The following ARID1A variants were observed in gnomAD, a reference collection of about 807,000 sequenced individuals.
ARID1A encodes AT-rich interactive domain-containing protein 1A.
In ARID1A, 20 loss-of-function variants were observed where a neutral mutation model predicts 212.6. That is an observed-to-expected ratio of 0.09 (90% confidence interval 0.07 to 0.14). The LOEUF (loss-of-function observed/expected upper bound fraction) is 0.14. Ranked by LOEUF, ARID1A falls within the 10% of genes least tolerant of loss-of-function variation. ARID1A has a pLI of 1.00. For synonymous variants in ARID1A, 1,376 were observed against 1,222.1 expected (o/e 1.13, Z -2.63); for missense variants, 2,587 against 3,059.0 (o/e 0.85, Z 3.64).
intron 1 of ARID1A, among the ~76,000 whole-genome samples, chr1:26,704,028 A>C (rs1254564283): frequency 6.6e-6 from 1 of 152,206 alleles, no homozygotes; most frequent in African/African-American, 2.4e-5. Flanking sequence ...ATGTTCAAGA[A>C]ACTTAGAATA....
At chr1:26,714,627 G>A (rs375794920) in intron 1 of ARID1A, among the ~76,000 whole-genome samples, 1 of 152,110 alleles carries the variant, frequency 6.6e-6, no homozygotes, top group Non-Finnish European at 1.5e-5. Context: ...ATGTCAGCCA[G>A]GCTGGTCTCG....
chr1:26,714,197 A>G (rs553359442), intron 1 of ARID1A, among the ~76,000 whole-genome samples: 6 of 152,346 alleles, frequency 3.9e-5, no homozygotes, highest in African/African-American at 9.6e-5. Flanking sequence ...ATGGCCCTGT[A>G]TACTCCTGGG....
intron 1 of ARID1A, among the ~76,000 whole-genome samples, chr1:26,715,013 G>C (rs959442632): frequency 1.3e-5 from 2 of 152,236 alleles, no homozygotes; most frequent in African/African-American, 4.8e-5. Flanking sequence ...TACCTTCTTT[G>C]GCGGGATATA....
intron 5 of ARID1A, 29 bp from the exon 6 acceptor site, chr1:26,761,355 A>G (rs750914019): frequency 1.9e-6 from 3 of 1,612,286 alleles, no homozygotes; most frequent in Non-Finnish European, 2.5e-6. Context: ...TAGCCATGAT[A>G]TGCTTATGTT....
intron 4 of ARID1A, among the ~76,000 whole-genome samples, chr1:26,757,345 C>T (rs2080949762): frequency 7.1e-6 from 1 of 141,524 alleles, no homozygotes; most frequent in African/African-American, 2.6e-5. Flanking sequence ...TGGCGGGTGC[C>T]TGTAGTCCCA....
chr1:26,757,214 CT>C (rs911249922), intron 4 of ARID1A, among the ~76,000 whole-genome samples: 1 of 141,942 alleles, frequency 7.0e-6, no homozygotes, highest in Non-Finnish European at 1.5e-5. Context: ...GACCCTGTCT[CT>C]TAAAAAAAAA....
At chr1:26,723,185 A>G (rs2080581592) in intron 1 of ARID1A, among the ~76,000 whole-genome samples, 1 of 152,176 alleles carries the variant, frequency 6.6e-6, no homozygotes, top group Non-Finnish European at 1.5e-5. Context: ...ACCAGGGTAC[A>G]TAGGGTGATT....
rs2124744627 is a variant in ARID1A, at chr1:26,697,390, G to C, written c.987G>C (p.Pro329=). ...GPQDGGAGKG[P]ADMASQCWGA... ...AGGACGGGGGCGCCGGCAAGGGCCC[G>C]GCGGACATGGCCTCGCAGTGTTGGG... The change falls in exon 1 of 20, where the codon CCG becomes CCC. Residue 329 remains proline, a synonymous_variant. Transcript: ENST00000324856. 1 of 1,322,562 alleles carries C rather than the reference G, an allele frequency of 7.6e-7. No individual in the cohort carries two copies. The highest frequency in any genetic ancestry group is 9.6e-7 in the Non-Finnish European group (1 of 1,044,020). The allele number at this position is 1,322,562 out of a possible 1,614,324, so 81.9% of individuals were successfully genotyped here.
At chr1:26,737,664 G>C (rs1249680458) in intron 4 of ARID1A, among the ~76,000 whole-genome samples, 1 of 152,072 alleles carries the variant, frequency 6.6e-6, no homozygotes, top group African/African-American at 2.4e-5. Flanking sequence ...TCGAGAGTTT[G>C]AGACCAGCCT....
At chr1:26,729,398 A>G (rs898121945) in intron 1 of ARID1A, 8 of 500,842 alleles carry the variant, frequency 1.6e-5, no homozygotes, top group South Asian at 4.3e-5. Context: ...AAGCAGTACC[A>G]CAGTTACAAA....
intron 8 of ARID1A, 79 bp from the exon 9 acceptor site, chr1:26,766,142 A>G: frequency 6.7e-7 from 1 of 1,488,712 alleles, no homozygotes; most frequent in Non-Finnish European, 9.1e-7. Context: ...ATGATCACAC[A>G]GCACTATTTG....
Position 26,771,100 on chromosome 1 carries a change from C to T in ARID1A, c.3199-19C>T. ...CCAGGCGGGAGATATACCTCGACTCCTTTGGTTTGGTTATACAGGTCAACA... is the reference window on the plus strand; with the variant it reads ...CCAGGCGGGAGATATACCTCGACTCTTTTGGTTTGGTTATACAGGTCAACA... On this transcript the variant is annotated intron_variant, in intron 11 of 19. Coordinates refer to ENST00000324856, the MANE Select transcript of ARID1A (RefSeq NM_006015.6). The surrounding 1 kb of genome is among the most constrained non-coding windows in gnomAD (Gnocchi z 5.4). The T allele has an allele frequency of 6.2e-7, 1 of 1,613,710 alleles. No individual in the cohort carries two copies. Among genetic ancestry groups the T allele is most frequent in the Non-Finnish European group, 8.5e-7 (1 of 1,179,604 alleles).
Position 26,761,388 on chromosome 1 carries a change from C to T in ARID1A, c.2166C>T (p.Asn722=), listed in dbSNP as rs2124059167. ...GPLSPAAVPG[N]QMPPRPPSGQ... is the part of the protein sequence containing the mutation. ...GTTGTTCTTTGTCTGGAGCAGGCAA[C>T]CAGATGCCACCTCGGCCACCCAGTG... The change falls in exon 6 of 20, where the codon AAC becomes AAT. Residue 722 remains asparagine, a synonymous_variant. Transcript: ENST00000324856. The T allele has an allele frequency of 3.1e-6, 5 of 1,614,200 alleles. No individual in the cohort carries two copies. Among genetic ancestry groups the T allele is most frequent in the Non-Finnish European group, 4.2e-6 (5 of 1,180,028 alleles).
chr1:26,699,002 G>A (rs1315653234), intron 1 of ARID1A, among the ~76,000 whole-genome samples: 1 of 152,198 alleles, frequency 6.6e-6, no homozygotes, highest in African/African-American at 2.4e-5. Context: ...TTAAAGGGAA[G>A]CTGGTGTCTT....
chr1:26,775,296 T>C, intron 18 of ARID1A, 76 bp downstream of exon 18: 1 of 1,500,988 alleles, frequency 6.7e-7, no homozygotes, highest in Non-Finnish European at 8.8e-7. Context: ...ACCTTACTAT[T>C]CTGGATGAGG....
At position 26,773,586 on chromosome 1, in the gene ARID1A, G is replaced by A; in HGVS notation, c.3873G>A (p.Glu1291=). The change falls in exon 16 of 20, where the codon GAG becomes GAA. Residue 1291 remains glutamate, a synonymous_variant. Coordinates refer to ENST00000324856, the MANE Select transcript of ARID1A (RefSeq NM_006015.6). ...YGGPYDRVRT[E]PGIGPEGNMS... is the part of the protein sequence containing the mutation. ...CCTCTCCAATTTTGTTTAGGACGGA[G>A]CCTGGAATAGGGCCTGAGGGAAACA... 2 of 1,614,204 alleles carry A rather than the reference G, an allele frequency of 1.2e-6. No homozygotes were observed. The highest frequency in any genetic ancestry group is 1.7e-5 in the Admixed American group (1 of 60,030).
At position 26,714,576 on chromosome 1, in the gene ARID1A, C is replaced by T. The variant is rs886884973; in HGVS notation, c.1138-15075C>T. ...TGAGACTACAGGTGTGTCACCATGC[C>T]GGGCTAATTTTTGTATTTTTAGTAG... On this transcript the variant is annotated intron_variant, in intron 1 of 19. Coordinates refer to ENST00000324856, the MANE Select transcript of ARID1A (RefSeq NM_006015.6). Among the ~76,000 whole-genome samples the T allele has an allele frequency of 2.6e-5, 4 of 151,958 alleles. 1 individual carries two copies. The South Asian group carries it at 8.3e-4, about 32-fold the overall frequency.
chr1:26,779,589 C>A lies in ARID1A; in HGVS notation c.5691C>A (p.Pro1897=), dbSNP rs2124141832. ...CAGGGACAACAGACCAGGAGGGGCC[C>A]CCACCTGATGGACCTCCAGAAAAAC... ...GTPGTTDQEG[P]PPDGPPEKRI... is the part of the protein sequence containing the mutation. Residue 1897 remains proline, a synonymous_variant, in exon 20 of 20, where the codon CCC becomes CCA. Coordinates refer to ENST00000324856, the MANE Select transcript of ARID1A (RefSeq NM_006015.6). 6.2e-7 allele frequency: 1 copy of A among 1,614,090 alleles called. No individual in the cohort carries two copies. The highest frequency in any genetic ancestry group is 8.5e-7 in the Non-Finnish European group (1 of 1,180,020).
intron 4 of ARID1A, among the ~76,000 whole-genome samples, chr1:26,735,721 T>A (rs2080722970): frequency 6.6e-6 from 1 of 152,246 alleles, no homozygotes; most frequent in Admixed American, 6.5e-5. Context: ...TCTAACAAGT[T>A]CCTCTGTGAT....
Sources: allele counts gnomAD v4.1 joint callset (sites outside exome capture counted in the v4.1 genomes callset), GRCh38; gene constraint gnomAD v4.1.1; non-coding constraint Gnocchi (gnomAD v3.1); transcripts MANE v1.5; gene names NCBI Gene and HGNC (gene_info 2026-07-23, HGNC 2026-07-21).